NFIC: variants seen among roughly 807,000 people sequenced by gnomAD.
The protein encoded by NFIC is nuclear factor 1 C-type.
In NFIC, 12 loss-of-function variants were observed where a neutral mutation model predicts 54.4. That is an observed-to-expected ratio of 0.22 (90% CI 0.14 to 0.36). The LOEUF is 0.36. Among genes scored for constraint, NFIC ranks in the 10% least tolerant of loss-of-function variants. The pLI is 1.00. For missense variants in NFIC, 575 were observed against 718.2 expected (o/e 0.80, Z 2.28); for synonymous variants, 322 against 319.2 (o/e 1.01, Z -0.09).
At chr19:3,392,037 G>T (rs887630033) in intron 2 of NFIC, among the ~76,000 whole-genome samples, 1 of 150,204 alleles carries the variant, frequency 6.7e-6, no homozygotes, top group African/African-American at 2.5e-5. Flanking sequence ...AGCATAGGGG[G>T]TGCCTAGCAA....
intron 1 of NFIC, among the ~76,000 whole-genome samples, chr19:3,379,393 C>T (rs1383372699): frequency 6.7e-6 from 1 of 148,676 alleles, no homozygotes; most frequent in Non-Finnish European, 1.5e-5. Flanking sequence ...CTCACTCTGT[C>T]GCCCAGGCTG....
chr19:3,437,635 CA>C (rs397860121), intron 6 of NFIC, among the ~76,000 whole-genome samples: 163 of 77,264 alleles, frequency 2.1e-3, no homozygotes, highest in African/African-American at 4.2e-3. Flanking sequence ...GACTATGTCT[CA>C]AAAAAAAAAA....
At chr19:3,456,516 G>T in intron 9 of NFIC, 34 bp from the exon 10 acceptor site, 4 of 1,548,204 alleles carry the variant, frequency 2.6e-6, no homozygotes, top group Non-Finnish European at 3.5e-6. Flanking sequence ...ACAACCCCTC[G>T]CTAACGGGCT....
At chr19:3,424,820 C>T (rs900723160) in intron 2 of NFIC, among the ~76,000 whole-genome samples, 17 of 152,244 alleles carry the variant, frequency 1.1e-4, no homozygotes, top group Admixed American at 4.6e-4. Context: ...CACGACTGAG[C>T]CGCCCCTGCA....
rs555208823 is a variant in NFIC, at chr19:3,439,726, T to C, written c.958+4519T>C. 7.0e-3 allele frequency among the ~76,000 whole-genome samples: 1,022 copies of C among 147,036 alleles called. 9 individuals are homozygous for C. Among genetic ancestry groups the C allele is most frequent in the Non-Finnish European group, 0.012 (771 of 66,762 alleles). On this transcript the variant is annotated intron_variant, in intron 6 of 10. Transcript: ENST00000443272. Reference sequence around the variant, plus strand: ...TTTTTTTTGTCAGAGTCTTGCTCTGTCGCCCAGGCTGGAGTGCAGTGGTGT... The same window carrying C: ...TTTTTTTTGTCAGAGTCTTGCTCTGCCGCCCAGGCTGGAGTGCAGTGGTGT...
intron 6 of NFIC, among the ~76,000 whole-genome samples, chr19:3,444,310 G>A (rs2082338206): frequency 6.6e-6 from 1 of 152,212 alleles, no homozygotes; most frequent in African/African-American, 2.4e-5. Context: ...TGATGGGGGA[G>A]CCCTCGGGCC....
intron 1 of NFIC, among the ~76,000 whole-genome samples, chr19:3,376,711 C>T (rs1034907996): frequency 2.0e-5 from 3 of 152,022 alleles, no homozygotes; most frequent in African/African-American, 4.8e-5. Context: ...TCCAGTGAGA[C>T]GCCTGTCTTT....
intron 6 of NFIC, among the ~76,000 whole-genome samples, chr19:3,443,978 G>A (rs1297771020): frequency 1.3e-5 from 2 of 152,182 alleles, no homozygotes; most frequent in African/African-American, 2.4e-5. Flanking sequence ...TCCTGACCCC[G>A]GACCCTAGAG....
Position 3,464,322 on chromosome 19 carries a change from G to C in NFIC, c.*1553G>C, listed in dbSNP as rs3746298. The C allele has an allele frequency of 0.24, 239,130 of 984,572 alleles. 37,985 individuals carry two copies. Among genetic ancestry groups the C allele is most frequent in the African/African-American group, 0.76 (43,284 of 56,918 alleles). 61.0% of individuals were successfully genotyped at this position (984,572 alleles called of 1,614,324 possible). A position where few individuals can be genotyped will look rare whatever the true frequency, so the allele number is the denominator to read the frequency against. On this transcript the variant is annotated 3_prime_UTR_variant, in exon 11 of 11. Coordinates refer to ENST00000443272, the MANE Select transcript of NFIC (RefSeq NM_001245002.2). ...CCTTGGGGCCCCCCGCAGCCGTGTA[G>C]GGGGCCTCCCATCTGCTAAGCGTTT...
upstream of NFIC, among the ~76,000 whole-genome samples, chr19:3,363,930 C>G (rs1026426866): frequency 1.3e-5 from 2 of 152,234 alleles, no homozygotes; most frequent in Non-Finnish European, 2.9e-5. Flanking sequence ...TCTGTCCCCC[C>G]ACTTGTCTCT....
upstream of NFIC, among the ~76,000 whole-genome samples, chr19:3,364,682 C>G (rs918817327): frequency 1.4e-4 from 21 of 152,208 alleles, no homozygotes; most frequent in African/African-American, 4.8e-4. Flanking sequence ...GGGGCAGTCT[C>G]TGCTCTCTAA....
intron 6 of NFIC, among the ~76,000 whole-genome samples, chr19:3,442,468 C>T (rs2082309396): frequency 6.6e-6 from 1 of 150,594 alleles, no homozygotes; most frequent in South Asian, 2.1e-4. Flanking sequence ...GCAGCCTCTG[C>T]CTTCCAGATT....
At chr19:3,390,078 G>A (rs550135475) in intron 2 of NFIC, among the ~76,000 whole-genome samples, 10 of 152,284 alleles carry the variant, frequency 6.6e-5, no homozygotes, top group South Asian at 2.1e-4. Context: ...CAGTGCCGCC[G>A]TGAAACCCTA....
Position 3,449,006 on chromosome 19 carries a change from C to G in NFIC, c.959-8C>G. The G allele has an allele frequency of 6.2e-7, 1 of 1,611,722 alleles. No homozygotes were observed. The highest frequency in any genetic ancestry group is 8.5e-7 in the Non-Finnish European group (1 of 1,178,776). ...GCCTGTGACTCTCTCGTCCCATCCC[C>G]TCCACAGGCATCTCGTCCCCGGTGA... On this transcript the variant is annotated splice_region_variant and splice_polypyrimidine_tract_variant and intron_variant, in intron 6 of 10. Coordinates refer to ENST00000443272, the MANE Select transcript of NFIC (RefSeq NM_001245002.2).
At chr19:3,394,530 A>ACCC (rs1270123415) in intron 2 of NFIC, among the ~76,000 whole-genome samples, 2 of 36,616 alleles carry the variant, frequency 5.5e-5, no homozygotes, top group African/African-American at 4.0e-4. Flanking sequence ...CCCACCCCCC[A>ACCC]CCCGCTTACA....
chr19:3,448,685 C>T (rs930971681), intron 6 of NFIC, among the ~76,000 whole-genome samples: 8 of 152,230 alleles, frequency 5.3e-5, no homozygotes, highest in South Asian at 4.1e-4. Flanking sequence ...CTCTAGGGCT[C>T]GGGTGACTCC....
intron 2 of NFIC, among the ~76,000 whole-genome samples, chr19:3,398,601 C>T (rs571819241): frequency 1.6e-3 from 240 of 152,290 alleles, no homozygotes; most frequent in Admixed American, 1.9e-3. Context: ...TCCCAGGCAT[C>T]CCCCAGGCAG....
intron 3 of NFIC, among the ~76,000 whole-genome samples, chr19:3,429,248 ATAT>A (rs1432562880): frequency 0.042 from 2,500 of 60,182 alleles, 466 homozygotes; most frequent in East Asian, 0.24. Context: ...AAAAAAAAAA[ATAT>A]ATACACACAC....
At chr19:3,360,297 C>CCCGCCTGCCCTCGCA (rs1245063828) in intron 1 of NFIC, among the ~76,000 whole-genome samples, 1 of 146,752 alleles carries the variant, frequency 6.8e-6, no homozygotes, top group Admixed American at 6.8e-5. Context: ...GAGCAGCCGC[C>CCCGCCTGCCCTCGCA]CCGCCTGCCC....
Sources: gnomAD v4.1 joint callset for allele counts (sites outside exome capture counted in the v4.1 genomes callset) on GRCh38, gnomAD v4.1.1 for gene constraint, MANE v1.5 for transcripts, NCBI Gene and HGNC (gene_info 2026-07-23, HGNC 2026-07-21) for gene names.